The following XPNPEP2 variants were observed in gnomAD, a reference collection of about 807,000 sequenced individuals.
XPNPEP2 encodes the protein xaa-Pro aminopeptidase 2.
A neutral mutation model predicts 59.8 loss-of-function variants in XPNPEP2; 64 were observed. The ratio of observed to expected loss-of-function variants is 1.07; its 90% confidence interval spans 0.87 to 1.32. XPNPEP2 has a LOEUF of 1.32. Ranked by LOEUF, XPNPEP2 falls within the 40% of genes most tolerant of loss-of-function variation. XPNPEP2 has a pLI of 0.00. For missense variants in XPNPEP2, 575 were observed against 546.8 expected (o/e 1.05, Z -0.51); for synonymous variants, 235 against 210.0 (o/e 1.12, Z -1.03).
At chrX:129,742,794 C>T (rs183846730) in intron 2 of XPNPEP2, among the ~76,000 whole-genome samples, 146 of 111,778 alleles carry the variant, frequency 1.3e-3, no homozygotes, top group African/African-American at 4.6e-3. Flanking sequence ...CCCCGCTACT[C>T]AGGAGGCTAA....
At chrX:129,767,750 C>T in intron 20 of XPNPEP2, 58 bp downstream of exon 20, 1 of 1,122,004 alleles carries the variant, frequency 8.9e-7, no homozygotes, top group Admixed American at 2.2e-5. Context: ...GCCTCTGCTA[C>T]CTGCCACCAC....
At chrX:129,750,875 T>C (rs1400736086) in intron 8 of XPNPEP2, among the ~76,000 whole-genome samples, 3 of 111,509 alleles carry the variant, frequency 2.7e-5, no homozygotes, top group African/African-American at 9.8e-5. Context: ...AGGAAATGCC[T>C]CCCAACAACT....
At position 129,759,283 on chromosome X, in the gene XPNPEP2, G is replaced by A. The variant is rs377182228; in HGVS notation, c.1428+43G>A. ...TTTCCCCTCACCACCTTCCCCCAAG[G>A]GGGCACCCAAGCAGTCAAGATCCCT... is the stretch of plus-strand genomic sequence containing the variant. On this transcript the variant is annotated intron_variant, in intron 15 of 20. Coordinates refer to ENST00000371106, the MANE Select transcript of XPNPEP2 (RefSeq NM_003399.6). The A allele has an allele frequency of 2.5e-5, 30 of 1,194,395 alleles. No individual in the cohort carries two copies. In the African/African-American group the frequency reaches 2.8e-4, roughly 11 times the overall value.
intron 19 of XPNPEP2, among the ~76,000 whole-genome samples, chrX:129,763,937 A>G (rs1203665789): frequency 9.0e-6 from 1 of 110,536 alleles, no homozygotes; most frequent in Non-Finnish European, 1.9e-5. Flanking sequence ...ATTAAACTGA[A>G]TAACCTCCAA....
At chrX:129,759,366 C>A in intron 15 of XPNPEP2, 126 bp downstream of exon 15, 1 of 844,691 alleles carries the variant, frequency 1.2e-6, no homozygotes, top group Non-Finnish European at 1.7e-6. Context: ...CCCAAGGTGA[C>A]ACCACTGGTG....
chrX:129,743,246 T>G lies in XPNPEP2; in HGVS notation c.124-715T>G, dbSNP rs1272216175. On this transcript the variant is annotated intron_variant, in intron 2 of 20. Coordinates refer to ENST00000371106, the MANE Select transcript of XPNPEP2 (RefSeq NM_003399.6). ...AAGCAAAACAGCACAAACGGAAACA[T>G]GCTTTTCGTTTTAAAGCTAAAATGA... Among the ~76,000 whole-genome samples, 5 of 112,340 alleles carry G rather than the reference T, an allele frequency of 4.5e-5. No homozygotes were observed. In the Admixed American group the frequency reaches 4.7e-4, roughly 10 times the overall value.
chrX:129,751,114 C>G (rs868070087), intron 8 of XPNPEP2, among the ~76,000 whole-genome samples: 7 of 88,464 alleles, frequency 7.9e-5, no homozygotes, highest in East Asian at 3.5e-4. Flanking sequence ...ACCCCCCCCC[C>G]CCGGCAAAAA....
intron 1 of XPNPEP2, 116 bp from the exon 2 acceptor site, chrX:129,741,992 A>G: frequency 1.6e-6 from 1 of 630,712 alleles, no homozygotes; most frequent in South Asian, 2.7e-5. Flanking sequence ...AGAGCTGGCC[A>G]GCTTCGTGCG....
At chrX:129,758,770 G>A (rs1926603248) in intron 14 of XPNPEP2, among the ~76,000 whole-genome samples, 1 of 111,895 alleles carries the variant, frequency 8.9e-6, no homozygotes, top group South Asian at 3.7e-4. Context: ...CTGAATATGA[G>A]AGTGTTATGA....
At position 129,751,795 on chromosome X, in the gene XPNPEP2, T is replaced by A. The variant is rs759182774; in HGVS notation, c.790T>A (p.Ser264Thr). The change falls in exon 9 of 21, where the codon TCC (serine) becomes ACC (threonine). Residue 264 changes from serine to threonine, a missense_variant. Physicochemically the swap from Ser to Thr is moderately conservative, Grantham distance 58. Transcript: ENST00000371106. Reference protein sequence around the residue: ...SDIPYNPFFYSYTLLTDSSIR... With the variant: ...SDIPYNPFFYTYTLLTDSSIR... ...CATCCCCTATAACCCCTTCTTCTAT[T>A]CCTACACGCTGCTCACAGACTCTTC... 2 of 1,210,936 alleles carry A rather than the reference T, an allele frequency of 1.7e-6. No homozygotes were observed. Among genetic ancestry groups the A allele is most frequent in the Non-Finnish European group, 2.2e-6 (2 of 894,893 alleles).
intron 6 of XPNPEP2, among the ~76,000 whole-genome samples, 170 bp from the exon 7 acceptor site, chrX:129,747,437 G>C (rs1926318205): frequency 9.1e-6 from 1 of 110,386 alleles, no homozygotes; most frequent in South Asian, 4.1e-4. Context: ...ACATACCCCA[G>C]CGTGGGCATA....
At chrX:129,757,073 T>TACACACACACACACAC (rs752092311) in intron 14 of XPNPEP2, among the ~76,000 whole-genome samples, 6,010 of 83,618 alleles carry the variant, frequency 0.072, 381 homozygotes, top group African/African-American at 0.18. Context: ...TACACACACA[T>TACACACACACACACAC]ACACACACAC....
intron 19 of XPNPEP2, 89 bp downstream of exon 19, chrX:129,762,859 G>A (rs1198349345): frequency 2.5e-6 from 2 of 810,468 alleles, no homozygotes; most frequent in African/African-American, 4.0e-5. Flanking sequence ...GAAGATCAAA[G>A]GAGAAGGGCA....
At chrX:129,743,917 G>A in intron 2 of XPNPEP2, 44 bp from the exon 3 acceptor site, 3 of 1,126,294 alleles carry the variant, frequency 2.7e-6, no homozygotes, top group Non-Finnish European at 3.7e-6. Context: ...AGCAACGTGT[G>A]TATCTGTTTG....
Position 129,742,849 on chromosome X carries a change from C to T in XPNPEP2, c.123+668C>T, listed in dbSNP as rs1181851893. On this transcript the variant is annotated intron_variant, in intron 2 of 20. Coordinates refer to ENST00000371106, the MANE Select transcript of XPNPEP2 (RefSeq NM_003399.6). ...CCCAGGAAGCAGAGGTTGCAGTGAG[C>T]CAAGATTGTGCCACTGCACTCCAGT... 2.7e-5 allele frequency among the ~76,000 whole-genome samples: 3 copies of T among 112,050 alleles called. No individual in the cohort carries two copies. In the Admixed American group the frequency reaches 2.8e-4, roughly 11 times the overall value.
intron 11 of XPNPEP2, 86 bp from the exon 12 acceptor site, chrX:129,754,386 C>A: frequency 2.4e-6 from 2 of 833,961 alleles, no homozygotes; most frequent in East Asian, 3.6e-5. Flanking sequence ...ATCCTGGAGC[C>A]GCTATCTGAT....
chrX:129,757,849 AAG>A (rs1324580850), intron 14 of XPNPEP2, among the ~76,000 whole-genome samples: 3 of 84,241 alleles, frequency 3.6e-5, no homozygotes, highest in South Asian at 6.1e-4. Flanking sequence ...GAAAGAAAGA[AAG>A]AAAGAAAGAG....
At chrX:129,762,465 AG>A (rs1456298948) in intron 18 of XPNPEP2, among the ~76,000 whole-genome samples, 3 of 111,796 alleles carry the variant, frequency 2.7e-5, no homozygotes, top group African/African-American at 9.8e-5. Flanking sequence ...GCTGGGCTAC[AG>A]GGAAGAGAGA....
chrX:129,757,796 G>GA (rs1401705150), intron 14 of XPNPEP2, among the ~76,000 whole-genome samples: 41 of 33,438 alleles, frequency 1.2e-3, no homozygotes, highest in Non-Finnish European at 1.8e-3. Flanking sequence ...ACTATAAAAG[G>GA]AAGAAAGAAA....
Sources: allele counts gnomAD v4.1 joint callset (sites outside exome capture counted in the v4.1 genomes callset), GRCh38; gene constraint gnomAD v4.1.1; transcripts MANE v1.5; gene names NCBI Gene and HGNC (gene_info 2026-07-23, HGNC 2026-07-21).